The following QPRT variants were observed in gnomAD, a reference collection of about 807,000 sequenced individuals.
The protein encoded by QPRT is quinolinate phosphoribosyltransferase, also known as nicotinate-nucleotide pyrophosphorylase [carboxylating].
A neutral mutation model predicts 19.8 loss-of-function variants in QPRT; 17 were observed. That is an observed-to-expected ratio of 0.86 (90% CI 0.59 to 1.29). QPRT has a LOEUF of 1.29. QPRT is among the 50% of genes most tolerant of loss of function. The probability of loss-of-function intolerance (pLI) is 0.00; values close to 1 mark genes in which losing one functional copy is unlikely to be tolerated. For synonymous variants in QPRT, 178 were observed against 191.0 expected, an observed-to-expected ratio of 0.93 and a Z score of 0.56; for missense variants, 336 against 405.1, an observed-to-expected ratio of 0.83 and a Z score of 1.46.
chr16:29,695,227 A>G, intron 2 of QPRT, 28 bp downstream of exon 2: 5 of 1,502,976 alleles, frequency 3.3e-6, no homozygotes, highest in Non-Finnish European at 4.5e-6. Flanking sequence ...CCCTGGTCCA[A>G]CCCCACCCTC....
At position 29,682,328 on chromosome 16, in the gene QPRT, C is replaced by T. The variant is rs191074203; in HGVS notation, c.13+3118C>T. ...TGTTGGGATTACAGGCATGAGCCAC[C>T]GTGCCTGGCTCAAATCTTTTCATAT... is the stretch of plus-strand genomic sequence containing the variant. On this transcript the variant is annotated intron_variant, in intron 1 of 3. Transcript: ENST00000395384. Among the ~76,000 whole-genome samples, 24 of 151,960 alleles carry T rather than the reference C, an allele frequency of 1.6e-4. No individual in the cohort carries two copies. The East Asian group carries it at 4.1e-3, about 26-fold the overall frequency.
chr16:29,686,651 T>C (rs1265459528), intron 1 of QPRT, among the ~76,000 whole-genome samples: 2 of 152,040 alleles, frequency 1.3e-5, no homozygotes, highest in Non-Finnish European at 2.9e-5. Context: ...GCTCGGCTTT[T>C]TATTTTTTTA....
chr16:29,689,516 T>A (rs1319925104), intron 1 of QPRT, among the ~76,000 whole-genome samples: 1 of 152,134 alleles, frequency 6.6e-6, no homozygotes, highest in Non-Finnish European at 1.5e-5. Context: ...CATTAGTTAT[T>A]TTTCCTGATC....
In QPRT at chr16:29,696,988, C is replaced by T. The variant is rs776441617; in HGVS notation, c.550-8C>T. 6.3e-6 allele frequency: 10 copies of T among 1,595,376 alleles called. No individual in the cohort carries two copies. The highest frequency in any genetic ancestry group is 7.7e-6 in the Non-Finnish European group (9 of 1,172,834). On this transcript the variant is annotated splice_polypyrimidine_tract_variant and splice_region_variant and intron_variant, in intron 2 of 3. Coordinates refer to ENST00000395384, the MANE Select transcript of QPRT (RefSeq NM_014298.6). ...GTCCTCACCCTTGTCCTCCCGGCTG[C>T]CCAGCAGGCGGTGCGGGCGGCCAGA...
chr16:29,691,420 C>T lies in QPRT; in HGVS notation c.14-3244C>T, dbSNP rs541822294. On this transcript the variant is annotated intron_variant, in intron 1 of 3. Coordinates refer to ENST00000395384, the MANE Select transcript of QPRT (RefSeq NM_014298.6). The stretch of plus-strand genomic sequence containing the variant: ...TCAGGGTGGGCACAGTGGCTCACTC[C>T]TGTAATCCCAGGACTTTGAGAGGCT... 5.4e-5 allele frequency among the ~76,000 whole-genome samples: 8 copies of T among 149,360 alleles called. No homozygotes were observed. The East Asian group carries it at 5.9e-4, about 11-fold the overall frequency.
intron 1 of QPRT, among the ~76,000 whole-genome samples, chr16:29,680,107 G>A (rs970180772): frequency 2.6e-5 from 4 of 151,754 alleles, no homozygotes; most frequent in East Asian, 1.9e-4. Context: ...ACAGGCGCCC[G>A]CCGCCACGCC....
At chr16:29,687,387 C>T (rs1319590184) in intron 1 of QPRT, among the ~76,000 whole-genome samples, 1 of 152,186 alleles carries the variant, frequency 6.6e-6, no homozygotes, top group East Asian at 1.9e-4. Flanking sequence ...GGATACTTAT[C>T]CCATCAGAGA....
chr16:29,694,461 C>A (rs1459241472), intron 1 of QPRT, among the ~76,000 whole-genome samples: 1 of 152,098 alleles, frequency 6.6e-6, no homozygotes, highest in Admixed American at 6.6e-5. Flanking sequence ...TCTCATCAAG[C>A]CCACAGCACT....
At chr16:29,682,882 T>C (rs746891947) in intron 1 of QPRT, among the ~76,000 whole-genome samples, 21 of 152,150 alleles carry the variant, frequency 1.4e-4, no homozygotes, top group Non-Finnish European at 2.2e-4. Flanking sequence ...GATTGGTTAG[T>C]ATGTTTTAAG....
At chr16:29,679,314 C>A in intron 1 of QPRT, 104 bp downstream of exon 1, 1 of 817,156 alleles carries the variant, frequency 1.2e-6, no homozygotes, top group Non-Finnish European at 2.0e-6. Context: ...CCTCTGGAGT[C>A]ATCTCTCCTC....
In QPRT at chr16:29,697,703, C is replaced by A; in HGVS notation, c.*292C>A. ...AGCAAATGTCAGAAGTTACCTGGGA[C>A]AGCCGGGCACGATGGCTCACACCTG... On this transcript the variant is annotated 3_prime_UTR_variant, in exon 4 of 4. Transcript: ENST00000395384. This position sits in a 1 kb window ranked among gnomAD's most constrained non-coding sequence, Gnocchi z 4.4. The A allele has an allele frequency of 2.7e-6, 1 of 364,896 alleles. No homozygotes were observed. The highest frequency in any genetic ancestry group is 4.5e-5 in the South Asian group (1 of 22,372). The allele number at this position is 364,896 out of a possible 1,614,324, so 22.6% of individuals were successfully genotyped here.
chr16:29,687,245 T>A (rs1967189568), intron 1 of QPRT, among the ~76,000 whole-genome samples: 1 of 152,224 alleles, frequency 6.6e-6, no homozygotes, highest in Non-Finnish European at 1.5e-5. Flanking sequence ...GCAAAGACTG[T>A]GTCTGGCCAT....
At chr16:29,683,199 A>G (rs1302023609) in intron 1 of QPRT, among the ~76,000 whole-genome samples, 1 of 151,298 alleles carries the variant, frequency 6.6e-6, no homozygotes, top group African/African-American at 2.4e-5. Flanking sequence ...TAAATTTTGT[A>G]TTTTTTTAGT....
rs536449253 is a variant in QPRT, at chr16:29,697,031, T to A, written c.585T>A (p.Thr195=). 1.2e-6 allele frequency: 2 copies of A among 1,610,492 alleles called. No homozygotes were observed. Among genetic ancestry groups the A allele is most frequent in the South Asian group, 2.2e-5 (2 of 90,836 alleles). Residue 195 remains threonine (T), a synonymous_variant, in exon 3 of 4, where the codon ACT becomes ACA. Coordinates refer to ENST00000395384, the MANE Select transcript of QPRT (RefSeq NM_014298.6). The surrounding 1 kb of genome is among the most constrained non-coding windows in gnomAD (Gnocchi z 4.4). ...VRAARQAADF[T]LKVEVECSSL... ...CGGCCAGACAGGCGGCTGACTTCACTCTGAAGGTGGAAGTGGAATGCAGCA... is the reference window on the plus strand; with the variant it reads ...CGGCCAGACAGGCGGCTGACTTCACACTGAAGGTGGAAGTGGAATGCAGCA...
chr16:29,688,276 TGGTCAGACA>T (rs1375192394), intron 1 of QPRT, among the ~76,000 whole-genome samples: 1 of 151,832 alleles, frequency 6.6e-6, no homozygotes, highest in East Asian at 1.9e-4. Flanking sequence ...CAGGCCAAGG[TGGTCAGACA>T]GCGCCTGGGG....
chr16:29,695,087 T>A lies in QPRT; in HGVS notation c.437T>A (p.Leu146Gln). 6.2e-7 allele frequency: 1 copy of A among 1,605,730 alleles called. No individual in the cohort carries two copies. Among genetic ancestry groups the A allele is most frequent in the South Asian group, 1.1e-5 (1 of 90,382 alleles). The change falls in exon 2 of 4, where the codon CTG becomes CAG. Residue 146 changes from leucine (L) to glutamine (Q), a missense_variant. Physicochemically the swap from Leu to Gln is moderately radical, Grantham distance 113. Coordinates refer to ENST00000395384, the MANE Select transcript of QPRT (RefSeq NM_014298.6). ...AGGAAGACCACGCCAGGCTTCCGGC[T>A]GGTGGAGAAGTATGGGCTCCTGGTG... ...GTRKTTPGFR[L>Q]VEKYGLLVGG...
At chr16:29,684,398 C>A (rs149489765) in intron 1 of QPRT, among the ~76,000 whole-genome samples, 78 of 152,276 alleles carry the variant, frequency 5.1e-4, no homozygotes, top group African/African-American at 1.8e-3. Flanking sequence ...CAGGTTCAAG[C>A]GATTCTCCTG....
chr16:29,683,829 C>T (rs1043435851), intron 1 of QPRT, among the ~76,000 whole-genome samples: 1 of 152,150 alleles, frequency 6.6e-6, no homozygotes, highest in Non-Finnish European at 1.5e-5. Flanking sequence ...TGGTGTGCAG[C>T]CCAGGCAGAG....
At chr16:29,691,314 G>A (rs915776220) in intron 1 of QPRT, among the ~76,000 whole-genome samples, 3 of 126,910 alleles carry the variant, frequency 2.4e-5, no homozygotes, top group Non-Finnish European at 4.7e-5. Context: ...GCAGTGAGGT[G>A]ACATCAGGCC....
Sources: allele counts gnomAD v4.1 joint callset (sites outside exome capture counted in the v4.1 genomes callset), GRCh38; gene constraint gnomAD v4.1.1; non-coding constraint Gnocchi (gnomAD v3.1); transcripts MANE v1.5; gene names NCBI Gene and HGNC (gene_info 2026-07-23, HGNC 2026-07-21).